Variants in MMP24 observed in about 807,000 individuals in gnomAD.
MMP24 encodes the protein matrix metallopeptidase 24, also known as matrix metalloproteinase-24.
In MMP24, 25 loss-of-function variants were observed where a neutral mutation model predicts 62.8. The observed-to-expected ratio is 0.40, with a 90% CI of 0.29 to 0.56. The LOEUF (loss-of-function observed/expected upper bound fraction) is 0.56, where lower values mean the gene tolerates loss of function less well. MMP24 is among the 20% of genes least tolerant of loss of function. The pLI, the probability that MMP24 is intolerant of heterozygous loss-of-function variation, is 0.50. For synonymous variants in MMP24, 319 were observed against 350.5 expected (o/e 0.91, Z 1.00); for missense variants, 634 against 853.6 (o/e 0.74, Z 3.21).
intron 1 of MMP24, among the ~76,000 whole-genome samples, chr20:35,232,889 A>T (rs139236422): frequency 2.0e-5 from 3 of 152,092 alleles, no homozygotes; most frequent in African/African-American, 7.2e-5. Flanking sequence ...AAGTGGAGGG[A>T]CTGGAGTTTG....
Position 35,226,962 on chromosome 20 carries a change from C to G in MMP24, c.224C>G (p.Ala75Gly). Residue 75 changes from alanine (A) to glycine (G), a missense_variant, in exon 1 of 9, where the codon GCG becomes GGG. Ala to Gly is a moderately conservative substitution (Grantham distance 60, BLOSUM62 0). Around this residue, in one of 3 missense-constraint regions of MMP24, gnomAD observed 212 missense variants for 259.6 expected, o/e 0.82. Transcript: ENST00000246186. ...GTGGCGGTGGCGCGGGCGGACGAGG[C>G]GGAGGCGCCCTTCGCCGGGCAGGTG... is the stretch of plus-strand genomic sequence containing the variant. ...VAVAVARADE[A>G]EAPFAGQNWL... 1.0e-6 allele frequency: 1 copy of G among 979,932 alleles called. No homozygotes were observed. Among genetic ancestry groups the G allele is most frequent in the Non-Finnish European group, 1.2e-6 (1 of 827,864 alleles). The allele number at this position is 979,932 out of a possible 1,614,324, so 60.7% of individuals were successfully genotyped here.
At chr20:35,227,192 G>C (rs952053849) in intron 1 of MMP24, among the ~76,000 whole-genome samples, 4 of 151,590 alleles carry the variant, frequency 2.6e-5, no homozygotes, top group Admixed American at 6.6e-5. Flanking sequence ...GCCGGGAGCT[G>C]CTTCAGCACC....
At chr20:35,238,797 C>T (rs1322872535) in intron 1 of MMP24, among the ~76,000 whole-genome samples, 1 of 152,210 alleles carries the variant, frequency 6.6e-6, no homozygotes, top group African/African-American at 2.4e-5. Context: ...GTCCCACTCT[C>T]CATCTCTCCA....
intron 3 of MMP24, 29 bp from the exon 4 acceptor site, chr20:35,254,421 T>C: frequency 1.9e-6 from 3 of 1,582,000 alleles, no homozygotes; most frequent in Non-Finnish European, 2.6e-6. Flanking sequence ...TCTCTGATCT[T>C]GCCTAATGAT....
At chr20:35,254,331 A>G in intron 3 of MMP24, 119 bp from the exon 4 acceptor site, 3 of 1,014,502 alleles carry the variant, frequency 3.0e-6, no homozygotes, top group Non-Finnish European at 4.4e-6. Flanking sequence ...TGAGGCAGCT[A>G]AGCAGAATTC....
At position 35,226,951 on chromosome 20, in the gene MMP24, G is replaced by A. The variant is rs2060416062; in HGVS notation, c.213G>A (p.Arg71=). 4.1e-6 allele frequency: 4 copies of A among 980,606 alleles called. No homozygotes were observed. In the African/African-American group the frequency reaches 5.3e-5, roughly 13 times the overall value. The allele number at this position is 980,606 out of a possible 1,614,324, so 60.7% of individuals were successfully genotyped here. Residue 71 remains arginine, a synonymous_variant, in exon 1 of 9, where the codon CGG becomes CGA. Coordinates refer to ENST00000246186, the MANE Select transcript of MMP24 (RefSeq NM_006690.4). ...NRAAVAVAVA[R]ADEAEAPFAG... is the part of the protein sequence containing the mutation. ...CAGCGGTGGCGGTGGCGGTGGCGCG[G>A]GCGGACGAGGCGGAGGCGCCCTTCG...
At chr20:35,260,169 C>T (rs1447083323) in intron 4 of MMP24, among the ~76,000 whole-genome samples, 1 of 152,162 alleles carries the variant, frequency 6.6e-6, no homozygotes, top group Non-Finnish European at 1.5e-5. Flanking sequence ...CCTCTGCCTT[C>T]ACCTCACAAG....
intron 4 of MMP24, among the ~76,000 whole-genome samples, chr20:35,258,655 G>A (rs2060586894): frequency 6.6e-6 from 1 of 152,070 alleles, no homozygotes; most frequent in Non-Finnish European, 1.5e-5. Context: ...ATACTTCCTA[G>A]GTGGTGCTGG....
At chr20:35,255,104 G>A (rs1483522008) in intron 4 of MMP24, among the ~76,000 whole-genome samples, 1 of 152,238 alleles carries the variant, frequency 6.6e-6, no homozygotes, top group African/African-American at 2.4e-5. Flanking sequence ...GCCAAGGCAG[G>A]TGGATCACCT....
rs1436928716 is a variant in MMP24 at position 35,269,861 on chromosome 20, C to T, written c.1296C>T (p.Ala432=). 4 of 1,552,760 alleles carry T rather than the reference C, an allele frequency of 2.6e-6. No homozygotes were observed. The South Asian group carries it at 4.8e-5, about 18-fold the overall frequency. The part of the protein sequence containing the change: ...WKGLPARIDA[A]YERADGRFVF... ...GCCTGCCTGCCCGCATCGACGCAGCCTATGAAAGGGCCGATGGGAGATTTG... is the reference window on the plus strand; with the variant it reads ...GCCTGCCTGCCCGCATCGACGCAGCTTATGAAAGGGCCGATGGGAGATTTG... The change falls in exon 7 of 9, where the codon GCC becomes GCT. Residue 432 remains alanine, a synonymous_variant. Transcript: ENST00000246186. The surrounding 1 kb of genome is among the most constrained non-coding windows in gnomAD (Gnocchi z 4.6).
chr20:35,231,533 C>T (rs1330593595), intron 1 of MMP24, among the ~76,000 whole-genome samples: 1 of 151,276 alleles, frequency 6.6e-6, no homozygotes, highest in African/African-American at 2.4e-5. Context: ...AATTCATTTT[C>T]TCTTATTTTT....
intron 1 of MMP24, among the ~76,000 whole-genome samples, chr20:35,243,701 G>A (rs948488850): frequency 6.6e-6 from 1 of 152,172 alleles, no homozygotes; most frequent in African/African-American, 2.4e-5. Context: ...GATTTGGGGA[G>A]CACAGAAGAG....
intron 4 of MMP24, among the ~76,000 whole-genome samples, chr20:35,260,916 C>T (rs1010048623): frequency 2.0e-5 from 3 of 152,168 alleles, no homozygotes; most frequent in South Asian, 2.1e-4. Flanking sequence ...AGGCCAGTGA[C>T]GCTGGGGCCA....
intron 1 of MMP24, among the ~76,000 whole-genome samples, chr20:35,234,880 C>G (rs927362724): frequency 2.0e-5 from 3 of 152,152 alleles, no homozygotes; most frequent in African/African-American, 7.2e-5. Flanking sequence ...GCACTCCAGC[C>G]TGAGCGACAG....
intron 1 of MMP24, among the ~76,000 whole-genome samples, chr20:35,236,464 T>G (rs941101777): frequency 3.3e-5 from 5 of 152,156 alleles, no homozygotes; most frequent in Non-Finnish European, 5.9e-5. Context: ...AGTATGAAAT[T>G]TTACGAATTA....
intron 4 of MMP24, chr20:35,263,427 T>G: frequency 1.4e-5 from 2 of 141,758 alleles, no homozygotes; most frequent in Admixed American, 7.1e-5. Flanking sequence ...CCTGAATCCG[T>G]TCTCCTGACT....
In MMP24 at chr20:35,274,461, C is replaced by T. The variant is rs1288372631; in HGVS notation, c.1790C>T (p.Pro597Leu). The stretch of plus-strand genomic sequence containing the variant: ...ATCATGGTGACCATCAACGATGTGC[C>T]GGGCTCCGTGAACGCCGTGGCCGTG... ...VDIMVTINDV[P>L]GSVNAVAVVI... The change falls in exon 9 of 9, where the codon CCG (proline) becomes CTG (leucine). Residue 597 changes from proline to leucine, a missense_variant. This residue lies in a region of MMP24 where 399 missense variants were observed against 530.8 expected (regional missense o/e 0.75). Transcript: ENST00000246186. The surrounding 1 kb of genome is among the most constrained non-coding windows in gnomAD (Gnocchi z 5.1). The T allele has an allele frequency of 3.1e-6, 5 of 1,614,006 alleles. No homozygotes were observed. The highest frequency in any genetic ancestry group is 1.7e-5 in the Admixed American group (1 of 60,022).
rs770702634 is a variant in MMP24 at position 35,246,895 on chromosome 20, T to C, written c.302T>C (p.Leu101Pro). Residue 101 changes from leucine to proline, a missense_variant, in exon 2 of 9, where the codon CTG (leucine) becomes CCG (proline). Transcript: ENST00000246186. ...CCCTATGACTCACGGGCATCTGCGC[T>C]GCACTCAGCGAAGGCCTTGCAGTCG... Reference protein sequence around the residue: ...LLPYDSRASALHSAKALQSAV... With the variant: ...LLPYDSRASAPHSAKALQSAV... 6.2e-7 allele frequency: 1 copy of C among 1,614,060 alleles called. No homozygotes were observed. Among genetic ancestry groups the C allele is most frequent in the South Asian group, 1.1e-5 (1 of 91,088 alleles).
intron 1 of MMP24, among the ~76,000 whole-genome samples, chr20:35,245,420 C>T (rs1441165059): frequency 6.6e-6 from 1 of 150,498 alleles, no homozygotes; most frequent in Non-Finnish European, 1.5e-5. Context: ...CTGTCTGTCT[C>T]TCTCTTTATA....
Sources: allele counts gnomAD v4.1 joint callset (sites outside exome capture counted in the v4.1 genomes callset), GRCh38; gene constraint gnomAD v4.1.1; regional missense constraint gnomAD v4.1.1; non-coding constraint Gnocchi (gnomAD v3.1); transcripts MANE v1.5; gene names NCBI Gene and HGNC (gene_info 2026-07-23, HGNC 2026-07-21).